LCOR: variants seen among roughly 807,000 people sequenced by gnomAD.
LCOR encodes the protein ligand-dependent corepressor.
LCOR carries 14 observed loss-of-function variants against 64.4 expected under a neutral mutation model. That is an observed-to-expected ratio of 0.22 (90% CI 0.14 to 0.34). The LOEUF (loss-of-function observed/expected upper bound fraction) is 0.34, where lower values mean the gene tolerates loss of function less well. Among genes scored for constraint, LCOR ranks in the 10% least tolerant of loss-of-function variants. The probability of loss-of-function intolerance (pLI) is 1.00; values close to 1 mark genes in which losing one functional copy is unlikely to be tolerated. For missense variants in LCOR, 1,686 were observed against 1,765.3 expected (o/e 0.96, Z 0.80); for synonymous variants, 643 against 642.5 (o/e 1.00, Z -0.01).
At chr10:96,957,318 T>A (rs1589682592) in intron 7 of LCOR, 1 of 985,148 alleles carries the variant, frequency 1.0e-6, no homozygotes, top group East Asian at 1.1e-4. Context: ...AGATCATGTT[T>A]GTATAAGCAC....
At chr10:96,875,868 A>T (rs1846155525) in intron 2 of LCOR, among the ~76,000 whole-genome samples, 1 of 152,122 alleles carries the variant, frequency 6.6e-6, no homozygotes, top group African/African-American at 2.4e-5. Flanking sequence ...CCTGTCTCAG[A>T]AAAAAACAAC....
chr10:96,920,682 A>ATGTGTG (rs1847055137), intron 4 of LCOR, among the ~76,000 whole-genome samples: 1 of 146,060 alleles, frequency 6.8e-6, no homozygotes, highest in Non-Finnish European at 1.5e-5. Flanking sequence ...ATATATTCAT[A>ATGTGTG]TATGTGTATA....
At chr10:96,916,136 A>G (rs773658381) in intron 4 of LCOR, among the ~76,000 whole-genome samples, 10 of 152,038 alleles carry the variant, frequency 6.6e-5, no homozygotes, top group African/African-American at 2.2e-4. Flanking sequence ...GGTTCACCCA[A>G]TTCTCCTGCC....
At chr10:96,844,562 C>T (rs1845595326) in intron 2 of LCOR, among the ~76,000 whole-genome samples, 1 of 152,068 alleles carries the variant, frequency 6.6e-6, no homozygotes, top group African/African-American at 2.4e-5. Context: ...AATACCTTGC[C>T]TCCTTCTCTT....
At chr10:96,974,127 C>T (rs1412179024) in intron 7 of LCOR, among the ~76,000 whole-genome samples, 1 of 152,140 alleles carries the variant, frequency 6.6e-6, no homozygotes, top group African/African-American at 2.4e-5. Context: ...CATTCTTAAA[C>T]TGTAGCTTTT....
chr10:96,835,504 T>C (rs2134356583), intron 2 of LCOR, among the ~76,000 whole-genome samples: 1 of 152,276 alleles, frequency 6.6e-6, no homozygotes, highest in South Asian at 2.1e-4. Flanking sequence ...AAGAGGAGAG[T>C]TCTAAGTAAA....
At chr10:96,958,114 A>G (rs1847814426) in intron 7 of LCOR, 4 of 1,150,462 alleles carry the variant, frequency 3.5e-6, no homozygotes, top group Non-Finnish European at 4.3e-6. Context: ...AATTGCAGCC[A>G]TAGTACCTTT....
intron 2 of LCOR, among the ~76,000 whole-genome samples, chr10:96,872,462 G>A (rs1846088084): frequency 6.6e-6 from 1 of 152,218 alleles, no homozygotes; most frequent in South Asian, 2.1e-4. Context: ...GGAGGCCGAG[G>A]TGGGTGGATC....
intron 2 of LCOR, among the ~76,000 whole-genome samples, chr10:96,838,480 C>T (rs1845484263): frequency 6.6e-6 from 1 of 152,130 alleles, no homozygotes; most frequent in South Asian, 2.1e-4. Flanking sequence ...TTCCACATTC[C>T]GTTCTTCCTA....
chr10:96,969,946 ATTTTTTTTTT>A (rs751045855), intron 7 of LCOR, among the ~76,000 whole-genome samples: 3 of 67,736 alleles, frequency 4.4e-5, no homozygotes, highest in East Asian at 5.4e-4. Context: ...CACCTGGATA[ATTTTTTTTTT>A]TTTTTTTTTT....
intron 2 of LCOR, among the ~76,000 whole-genome samples, chr10:96,900,889 T>C (rs1846623407): frequency 6.6e-6 from 1 of 151,370 alleles, no homozygotes. Flanking sequence ...TTCTTTTTTC[T>C]GTTTTAAGAG....
chr10:96,940,514 ACT>A (rs1847436147), intron 4 of LCOR, among the ~76,000 whole-genome samples: 1 of 112,914 alleles, frequency 8.9e-6, no homozygotes, highest in African/African-American at 3.4e-5. Context: ...AGTGGTGATG[ACT>A]CTTAACGAGC....
intron 2 of LCOR, among the ~76,000 whole-genome samples, chr10:96,885,579 G>A (rs1387098286): frequency 9.0e-6 from 1 of 111,304 alleles, no homozygotes; most frequent in East Asian, 2.8e-4. Flanking sequence ...TTTTTTTTTA[G>A]TAGAGTCAAG....
At chr10:96,974,443 A>G in intron 7 of LCOR, among the ~76,000 whole-genome samples, 1 of 152,240 alleles carries the variant, frequency 6.6e-6, no homozygotes. Flanking sequence ...AGCAGCATGA[A>G]CTAGCATGAG....
chr10:96,958,906 TAAAA>T (rs74784568), intron 7 of LCOR: 287 of 103,920 alleles, frequency 2.8e-3, no homozygotes, highest in African/African-American at 8.3e-3. Flanking sequence ...AAGAAAAACT[TAAAA>T]AAAAAAAAAA....
intron 7 of LCOR, among the ~76,000 whole-genome samples, chr10:96,972,342 GGAT>G (rs775917100): frequency 5.3e-5 from 8 of 151,898 alleles, no homozygotes; most frequent in Non-Finnish European, 1.2e-4. Context: ...GTCTTACCAA[GGAT>G]GATGAAGTTA....
intron 7 of LCOR, among the ~76,000 whole-genome samples, chr10:96,965,913 G>C (rs918639751): frequency 2.6e-5 from 4 of 151,984 alleles, no homozygotes; most frequent in Admixed American, 6.6e-5. Flanking sequence ...TGGGAGCCAG[G>C]TCAGTAATAA....
At chr10:96,847,526 T>C (rs1845652012) in intron 2 of LCOR, among the ~76,000 whole-genome samples, 1 of 152,152 alleles carries the variant, frequency 6.6e-6, no homozygotes, top group South Asian at 2.1e-4. Context: ...CACCGCATCC[T>C]CCGCCTCCCA....
In LCOR at chr10:96,986,075, C is replaced by T. The variant is rs1848147431; in HGVS notation, c.*941C>T. 1 of 166,888 alleles carries T rather than the reference C, an allele frequency of 6.0e-6. No individual in the cohort carries two copies. The highest frequency in any genetic ancestry group is 2.4e-5 in the African/African-American group (1 of 41,368). 10.3% of individuals were successfully genotyped at this position (166,888 alleles called of 1,614,324 possible). A position where few individuals can be genotyped will look rare whatever the true frequency, so the allele number is the denominator to read the frequency against. On this transcript the variant is annotated 3_prime_UTR_variant, in exon 8 of 8. Transcript: ENST00000421806. The stretch of plus-strand genomic sequence containing the variant: ...GAGTACTTCCATATTCAAAGAAAGC[C>T]GAACTATTATTTCCAGTAATAGAAA...
Sources: gnomAD v4.1 joint callset for allele counts (sites outside exome capture counted in the v4.1 genomes callset) on GRCh38, gnomAD v4.1.1 for gene constraint, MANE v1.5 for transcripts, NCBI Gene and HGNC (gene_info 2026-07-23, HGNC 2026-07-21) for gene names.